The following ZNF438 variants were observed in gnomAD, a reference collection of about 807,000 sequenced individuals.
ZNF438 encodes the protein zinc finger protein 438.
ZNF438 carries 25 observed loss-of-function variants against 38.0 expected under a neutral mutation model. That is an observed-to-expected ratio of 0.66 (90% CI 0.48 to 0.92). ZNF438 has a LOEUF of 0.92. Among genes scored for constraint, ZNF438 ranks in the 40% least tolerant of loss-of-function variants. The pLI, the probability that ZNF438 is intolerant of heterozygous loss-of-function variation, is 0.00. For synonymous variants in ZNF438, 372 were observed against 364.1 expected (o/e 1.02, Z -0.25); for missense variants, 1,007 against 999.6 (o/e 1.01, Z -0.10).
intron 1 of ZNF438, among the ~76,000 whole-genome samples, chr10:31,006,903 T>C (rs2055194773): frequency 6.6e-6 from 1 of 152,034 alleles, no homozygotes; most frequent in Non-Finnish European, 1.5e-5. Flanking sequence ...GGAATGAAGG[T>C]TGCACACAGA....
chr10:30,904,333 T>TA (rs1194159847), intron 3 of ZNF438, among the ~76,000 whole-genome samples: 1 of 152,160 alleles, frequency 6.6e-6, no homozygotes, highest in Non-Finnish European at 1.5e-5. Context: ...AGCCATGCCT[T>TA]ACACCTCTCT....
rs370949388 is a variant in ZNF438, at chr10:30,968,729, A to G, written c.-191-27078T>C. ...AGTGCTGGGATTACAGGCGTGAGCC[A>G]CCGTGCCCAGCCTCTGATTGTAAAC... On this transcript the variant is annotated intron_variant, in intron 1 of 5. Coordinates refer to ENST00000413025, the Ensembl canonical transcript of ZNF438. Among the ~76,000 whole-genome samples, 21 of 152,192 alleles carry G rather than the reference A, an allele frequency of 1.4e-4. No individual in the cohort carries two copies. In the East Asian group the frequency reaches 3.9e-3, roughly 28 times the overall value.
rs920499523 is a variant in ZNF438 at position 30,944,938 on chromosome 10, CT to C, written c.-191-3288del. Among the ~76,000 whole-genome samples the C allele has an allele frequency of 8.7e-5, 13 of 149,796 alleles. No individual in the cohort carries two copies. The East Asian group carries it at 2.6e-3, about 29-fold the overall frequency. On this transcript the variant is annotated intron_variant, in intron 1 of 5. Transcript: ENST00000413025. ...TTCTTATATTGTTAATTTGAACTTT[CT>C]TTTTTTTTCTTAGTAGGGGTTTATC...
intron 3 of ZNF438, among the ~76,000 whole-genome samples, chr10:30,895,820 G>C (rs779044474): frequency 6.6e-6 from 1 of 152,132 alleles, no homozygotes; most frequent in Non-Finnish European, 1.5e-5. Context: ...CATTAGGATG[G>C]CTACTATTTA....
intron 1 of ZNF438, among the ~76,000 whole-genome samples, chr10:30,970,548 T>G (rs903161250): frequency 2.0e-5 from 3 of 152,236 alleles, no homozygotes; most frequent in African/African-American, 7.2e-5. Context: ...TCCCATTCAC[T>G]AACAGCTCTT....
At chr10:30,962,487 G>T (rs1391404951) in intron 1 of ZNF438, among the ~76,000 whole-genome samples, 2 of 147,422 alleles carry the variant, frequency 1.4e-5, no homozygotes, top group Non-Finnish European at 3.1e-5. Context: ...GAATTTGGAA[G>T]GAAGAAAGAC....
At chr10:30,853,717 C>T (rs1392233166) in intron 4 of ZNF438, among the ~76,000 whole-genome samples, 1 of 152,258 alleles carries the variant, frequency 6.6e-6, no homozygotes, top group Non-Finnish European at 1.5e-5. Flanking sequence ...CCATTTATGG[C>T]CAGGCATGGT....
intron 2 of ZNF438, among the ~76,000 whole-genome samples, chr10:30,940,275 G>C (rs1208181136): frequency 6.6e-6 from 1 of 152,196 alleles, no homozygotes; most frequent in African/African-American, 2.4e-5. Context: ...TTACAATCTA[G>C]GGTGGGAGAT....
At chr10:30,855,760 T>A (rs2034511724) in intron 4 of ZNF438, among the ~76,000 whole-genome samples, 1 of 152,226 alleles carries the variant, frequency 6.6e-6, no homozygotes, top group South Asian at 2.1e-4. Context: ...CTCTCCAAGA[T>A]GGGAGATGTA....
At chr10:30,980,280 A>G (rs527591727) in intron 1 of ZNF438, among the ~76,000 whole-genome samples, 1 of 147,512 alleles carries the variant, frequency 6.8e-6, no homozygotes, top group Non-Finnish European at 1.5e-5. Context: ...AACACCTTTT[A>G]CTCCTATATG....
chr10:30,988,155 T>C (rs1489732092), intron 1 of ZNF438, among the ~76,000 whole-genome samples: 2 of 152,056 alleles, frequency 1.3e-5, no homozygotes, highest in Non-Finnish European at 2.9e-5. Flanking sequence ...GCTTTGAAAA[T>C]GTATGTGCTA....
At chr10:30,949,429 T>A (rs183899394) in intron 1 of ZNF438, among the ~76,000 whole-genome samples, 734 of 149,364 alleles carry the variant, frequency 4.9e-3, no homozygotes, top group African/African-American at 0.018. Flanking sequence ...ATGGACTAAA[T>A]GCTCCAATTA....
intron 2 of ZNF438, among the ~76,000 whole-genome samples, chr10:30,930,207 C>G (rs1337653719): frequency 6.6e-6 from 1 of 151,868 alleles, no homozygotes; most frequent in Non-Finnish European, 1.5e-5. Context: ...TTGCAGGTCC[C>G]GAGCCCTGCC....
chr10:30,858,589 G>A (rs1480910711), intron 4 of ZNF438, among the ~76,000 whole-genome samples: 2 of 152,180 alleles, frequency 1.3e-5, no homozygotes, highest in Non-Finnish European at 2.9e-5. Context: ...GTGTTCTTTT[G>A]TTTCTAAGGA....
At chr10:30,969,870 T>C (rs1006894313) in intron 1 of ZNF438, among the ~76,000 whole-genome samples, 3 of 152,284 alleles carry the variant, frequency 2.0e-5, no homozygotes, top group Non-Finnish European at 4.4e-5. Flanking sequence ...TACAAATTCA[T>C]TTATTTACAA....
intron 1 of ZNF438, among the ~76,000 whole-genome samples, chr10:31,011,374 C>T (rs2055685698): frequency 1.3e-5 from 2 of 152,204 alleles, no homozygotes; most frequent in South Asian, 4.1e-4. Context: ...ACACACTGGG[C>T]TTCCATCAAA....
intron 5 of ZNF438, 94 bp from the exon 7 acceptor site, chr10:30,845,667 T>TAA: frequency 7.0e-7 from 1 of 1,436,770 alleles, no homozygotes; most frequent in Non-Finnish European, 9.3e-7. Flanking sequence ...ATCTAAAACA[T>TAA]AACACTGACG....
Position 30,858,788 on chromosome 10 carries a change from T to C in ZNF438, c.38-8421A>G, listed in dbSNP as rs370852670. Among the ~76,000 whole-genome samples, 5 of 152,234 alleles carry C rather than the reference T, an allele frequency of 3.3e-5. No individual in the cohort carries two copies. The East Asian group carries it at 9.7e-4, about 29-fold the overall frequency. On this transcript the variant is annotated intron_variant, in intron 4 of 5. Coordinates refer to ENST00000413025, the Ensembl canonical transcript of ZNF438. ...TCCTTGACATACTTGTGTGTTCTGC[T>C]CAATTATTGCTCTTAGCTAACTCCC...
intron 1 of ZNF438, among the ~76,000 whole-genome samples, chr10:30,963,723 CT>C (rs2049800354): frequency 6.6e-6 from 1 of 151,726 alleles, no homozygotes; most frequent in Non-Finnish European, 1.5e-5. Flanking sequence ...CTACTAAAAA[CT>C]ACAAAAATTA....
Sources: gnomAD v4.1 joint callset for allele counts (sites outside exome capture counted in the v4.1 genomes callset) on GRCh38, gnomAD v4.1.1 for gene constraint, MANE v1.5 for transcripts, NCBI Gene and HGNC (gene_info 2026-07-23, HGNC 2026-07-21) for gene names.